PLAT: variants seen among roughly 807,000 people sequenced by gnomAD.
PLAT encodes plasminogen activator, tissue type.
In PLAT, 48 loss-of-function variants were observed where a neutral mutation model predicts 74.9. That is an observed-to-expected ratio of 0.64 (90% CI 0.51 to 0.82). PLAT has a LOEUF of 0.82. PLAT is among the 40% of genes least tolerant of loss of function. The pLI is 0.00. For synonymous variants in PLAT, 307 were observed against 294.4 expected (o/e 1.04, Z -0.44); for missense variants, 673 against 736.2 (o/e 0.91, Z 0.99).
At chr8:42,185,323 G>A (rs1468000022) in intron 6 of PLAT, 151 bp from the exon 7 acceptor site, 3 of 466,846 alleles carry the variant, frequency 6.4e-6, no homozygotes, top group Non-Finnish European at 1.1e-5. Flanking sequence ...GGAGTGCAGC[G>A]GCGCATCTCC....
intron 3 of PLAT, among the ~76,000 whole-genome samples, chr8:42,190,976 C>T (rs967004744): frequency 6.6e-6 from 1 of 152,206 alleles, no homozygotes; most frequent in Non-Finnish European, 1.5e-5. Flanking sequence ...GGCCTGGCCT[C>T]GGCTGTGACT....
intron 1 of PLAT, chr8:42,193,483 C>A: frequency 3.3e-6 from 1 of 298,846 alleles, no homozygotes; most frequent in Admixed American, 4.2e-5. Flanking sequence ...CCGGCCGTCA[C>A]CACCGCCCAT....
intron 1 of PLAT, among the ~76,000 whole-genome samples, chr8:42,197,970 G>A (rs1805972170): frequency 6.6e-6 from 1 of 152,148 alleles, no homozygotes; most frequent in South Asian, 2.1e-4. Flanking sequence ...TACGACATGG[G>A]GAGTGTCACA....
intron 7 of PLAT, among the ~76,000 whole-genome samples, chr8:42,183,138 G>A (rs1460487016): frequency 6.6e-6 from 1 of 152,156 alleles, no homozygotes; most frequent in Non-Finnish European, 1.5e-5. Context: ...CGAGTAGGTG[G>A]GGTTACAGGC....
Position 42,178,998 on chromosome 8 carries a change from T to C in PLAT, c.1429A>G (p.Thr477Ala), listed in dbSNP as rs1242353183. The C allele has an allele frequency of 6.2e-7, 1 of 1,613,794 alleles. No homozygotes were observed. The highest frequency in any genetic ancestry group is 8.5e-7 in the Non-Finnish European group (1 of 1,179,762). Residue 477 changes from threonine (T) to alanine (A), a missense_variant, in exon 13 of 14, where the codon ACA becomes GCA. Transcript: ENST00000220809. ...GTTCTGTTAAGTAAATGTTGTGATG[T>C]GCAGCGGCTGGATGGGTACAGTCTG... ...HVRLYPSSRC[T>A]SQHLLNRTVT...
intron 11 of PLAT, 84 bp downstream of exon 11, chr8:42,180,158 G>A: frequency 1.9e-6 from 3 of 1,589,496 alleles, no homozygotes; most frequent in Non-Finnish European, 2.6e-6. Flanking sequence ...GGAGGAGGAG[G>A]CCCGTGTGTG....
At chr8:42,179,167 C>G in intron 12 of PLAT, 104 bp from the exon 13 acceptor site, 1 of 756,662 alleles carries the variant, frequency 1.3e-6, no homozygotes, top group Non-Finnish European at 2.3e-6. Flanking sequence ...GATCAAGATT[C>G]AACATGTATT....
chr8:42,194,239 AGAGTGTGTGTGT>A (rs1408452370), intron 1 of PLAT, among the ~76,000 whole-genome samples: 6,985 of 105,758 alleles, frequency 0.066, 190 homozygotes, highest in East Asian at 0.13. Context: ...AGAGAGAGAG[AGAGTGTGTGTGT>A]GTGTGTGTGT....
At chr8:42,205,576 C>A (rs1219630065) in intron 1 of PLAT, among the ~76,000 whole-genome samples, 1 of 152,172 alleles carries the variant, frequency 6.6e-6, no homozygotes, top group Non-Finnish European at 1.5e-5. Context: ...GTGACTCTTC[C>A]TCTGCCCCCC....
chr8:42,196,747 G>C (rs534946110), intron 1 of PLAT, among the ~76,000 whole-genome samples: 9 of 152,010 alleles, frequency 5.9e-5, no homozygotes, highest in South Asian at 2.1e-4. Flanking sequence ...GATGGAAGAG[G>C]CTCATTTTTA....
chr8:42,184,400 C>T (rs1198779482), intron 7 of PLAT, among the ~76,000 whole-genome samples: 2 of 151,964 alleles, frequency 1.3e-5, no homozygotes, highest in African/African-American at 4.8e-5. Flanking sequence ...TGTTCTATCA[C>T]CCAGGCTGGA....
intron 1 of PLAT, among the ~76,000 whole-genome samples, chr8:42,200,964 G>A (rs959563447): frequency 6.6e-6 from 1 of 152,048 alleles, no homozygotes; most frequent in Non-Finnish European, 1.5e-5. Flanking sequence ...CGAGTAGCTC[G>A]GATTACAAGT....
rs8178810 is a variant in PLAT, at chr8:42,174,821, T to C, written c.*1172A>G. Reference sequence around the variant, plus strand: ...GAAGTTCACTTCAGACAAGCTCAACTCATTTCTCCCTGTACTCCCCTCTCT... The same window carrying C: ...GAAGTTCACTTCAGACAAGCTCAACCCATTTCTCCCTGTACTCCCCTCTCT... On this transcript the variant is annotated 3_prime_UTR_variant, in exon 14 of 14. Coordinates refer to ENST00000220809, the MANE Select transcript of PLAT (RefSeq NM_000930.5). Among the ~76,000 whole-genome samples, 318 of 152,322 alleles carry C rather than the reference T, an allele frequency of 2.1e-3. No individual in the cohort carries two copies. Among genetic ancestry groups the C allele is most frequent in the African/African-American group, 6.7e-3 (278 of 41,568 alleles).
At chr8:42,197,704 G>A (rs1805961601) in intron 1 of PLAT, among the ~76,000 whole-genome samples, 1 of 152,130 alleles carries the variant, frequency 6.6e-6, no homozygotes, top group Non-Finnish European at 1.5e-5. Context: ...CAGTGCCTGT[G>A]TATTACATCC....
At chr8:42,180,094 GGCGTGAGGGCC>G (rs779781849) in intron 11 of PLAT, 28 bp from the exon 12 acceptor site, 2 of 1,596,882 alleles carry the variant, frequency 1.3e-6, no homozygotes, top group Non-Finnish European at 1.7e-6. Context: ...GGAGTGAGCT[GGCGTGAGGGCC>G]GCGTCCCCGG....
At chr8:42,194,241 A>AGAGAGTGT (rs1419569830) in intron 1 of PLAT, among the ~76,000 whole-genome samples, 14 of 52,574 alleles carry the variant, frequency 2.7e-4, no homozygotes, top group Admixed American at 7.8e-4. Context: ...AGAGAGAGAG[A>AGAGAGTGT]GTGTGTGTGT....
At chr8:42,197,565 T>G (rs1442420952) in intron 1 of PLAT, among the ~76,000 whole-genome samples, 1 of 152,186 alleles carries the variant, frequency 6.6e-6, no homozygotes, top group Non-Finnish European at 1.5e-5. Flanking sequence ...GTTCATTTCT[T>G]TGGTGGCCAC....
At chr8:42,184,055 C>G (rs538819756) in intron 7 of PLAT, among the ~76,000 whole-genome samples, 41 of 152,028 alleles carry the variant, frequency 2.7e-4, no homozygotes, top group Non-Finnish European at 3.4e-4. Context: ...ATCCTCCCAC[C>G]TGAGCCTCCC....
intron 1 of PLAT, chr8:42,206,657 G>A (rs927747514): frequency 6.6e-6 from 1 of 152,152 alleles, no homozygotes; most frequent in African/African-American, 2.4e-5. Context: ...CTGGGACCTC[G>A]GCGTGTTTTC....
Sources: allele counts gnomAD v4.1 joint callset (sites outside exome capture counted in the v4.1 genomes callset), GRCh38; gene constraint gnomAD v4.1.1; transcripts MANE v1.5; gene names NCBI Gene and HGNC (gene_info 2026-07-23, HGNC 2026-07-21).